GABRG3: variants seen among roughly 807,000 people sequenced by gnomAD.
The protein encoded by GABRG3 is gamma-aminobutyric acid receptor subunit gamma-3.
In GABRG3, 25 loss-of-function variants were observed where a neutral mutation model predicts 48.8. The observed-to-expected ratio is 0.51, with a 90% confidence interval of 0.37 to 0.72. The LOEUF (loss-of-function observed/expected upper bound fraction) is 0.72. Ranked by LOEUF, GABRG3 falls within the 30% of genes least tolerant of loss-of-function variation. The pLI is 0.00. For synonymous variants in GABRG3, 227 were observed against 217.6 expected (o/e 1.04, Z -0.38); for missense variants, 394 against 577.9 (o/e 0.68, Z 3.26).
chr15:27,181,324 G>A (rs1887924856), intron 3 of GABRG3, among the ~76,000 whole-genome samples: 1 of 152,170 alleles, frequency 6.6e-6, no homozygotes, highest in Non-Finnish European at 1.5e-5. Flanking sequence ...ACAAGAGTTA[G>A]TTCTCTTACC....
chr15:27,067,960 T>C (rs1206376162), intron 3 of GABRG3, among the ~76,000 whole-genome samples: 1 of 152,124 alleles, frequency 6.6e-6, no homozygotes, highest in East Asian at 1.9e-4. Context: ...TAATAGGCAT[T>C]GGAGTAGAGA....
At chr15:27,499,911 C>T (rs1377662702) in intron 6 of GABRG3, among the ~76,000 whole-genome samples, 2 of 152,160 alleles carry the variant, frequency 1.3e-5, no homozygotes, top group African/African-American at 4.8e-5. Context: ...AAGGCTGCCT[C>T]GGACCTGGTG....
intron 3 of GABRG3, among the ~76,000 whole-genome samples, chr15:27,290,470 A>G (rs1595643059): frequency 6.6e-6 from 1 of 152,146 alleles, no homozygotes; most frequent in Middle Eastern, 3.2e-3. Context: ...TATCCAGATG[A>G]TCAAGGGTGA....
intron 5 of GABRG3, among the ~76,000 whole-genome samples, chr15:27,477,730 G>A (rs1402361761): frequency 2.0e-5 from 3 of 152,000 alleles, no homozygotes; most frequent in Non-Finnish European, 4.4e-5. Flanking sequence ...AAGTACACTC[G>A]AAAATAAATT....
At chr15:26,977,322 T>C (rs2060930258) in intron 2 of GABRG3, among the ~76,000 whole-genome samples, 172 bp downstream of exon 2, 1 of 152,220 alleles carries the variant, frequency 6.6e-6, no homozygotes, top group Non-Finnish European at 1.5e-5. Context: ...AGACTGACAC[T>C]GGTGCCATGC....
At chr15:27,462,189 G>A (rs959812909) in intron 5 of GABRG3, among the ~76,000 whole-genome samples, 2 of 151,962 alleles carry the variant, frequency 1.3e-5, no homozygotes, top group African/African-American at 2.4e-5. Flanking sequence ...CCTCTGAGCC[G>A]GCTCCTCACT....
rs75212411 is a variant in GABRG3, at chr15:27,287,066, A to G, written c.271-39743A>G. ...GTTGATGGTTTTGTCCAGTTATTCC[A>G]TACCTTCATTTTTCTACTTAGTAGT... On this transcript the variant is annotated intron_variant, in intron 3 of 9. Transcript: ENST00000615808. Among the ~76,000 whole-genome samples the G allele has an allele frequency of 6.2e-3, 947 of 152,314 alleles. 26 individuals carry two copies. In the East Asian group the frequency reaches 0.088, roughly 14 times the overall value.
In GABRG3 at chr15:27,372,584, G is replaced by A. The variant is rs180903785; in HGVS notation, c.574+43696G>A. Among the ~76,000 whole-genome samples the A allele has an allele frequency of 9.9e-5, 15 of 152,092 alleles. No homozygotes were observed. In the East Asian group the frequency reaches 1.7e-3, roughly 18 times the overall value. On this transcript the variant is annotated intron_variant, in intron 5 of 9. Transcript: ENST00000615808. ...ATTTTTTATTTTTTATAGAGATGGG[G>A]CCTCGTTTTGCTGCCCAAGCTGTTC... is the stretch of plus-strand genomic sequence containing the variant.
intron 6 of GABRG3, 151 bp downstream of exon 6, chr15:27,480,938 T>G: frequency 2.1e-6 from 3 of 1,418,676 alleles, no homozygotes; most frequent in Non-Finnish European, 2.8e-6. Context: ...GAAACTATGT[T>G]TTCATGTTTT....
intron 3 of GABRG3, among the ~76,000 whole-genome samples, chr15:27,247,542 A>T (rs1047481935): frequency 6.6e-6 from 1 of 151,896 alleles, no homozygotes; most frequent in Non-Finnish European, 1.5e-5. Context: ...TTCTACCCCA[A>T]CTCTACCAGG....
chr15:27,300,678 C>CAAAAAAAAAAAAAAAAAAAAAA (rs10600874), intron 3 of GABRG3, among the ~76,000 whole-genome samples: 1 of 101,280 alleles, frequency 9.9e-6, no homozygotes, highest in Non-Finnish European at 2.0e-5. Context: ...AATAAATAAG[C>CAAAAAAAAAAAAAAAAAAAAAA]AAAAAAAAAA....
At chr15:27,429,250 G>A (rs1566836992) in intron 5 of GABRG3, among the ~76,000 whole-genome samples, 1 of 152,160 alleles carries the variant, frequency 6.6e-6, no homozygotes, top group Non-Finnish European at 1.5e-5. Flanking sequence ...GGAAGGAAAG[G>A]AGATGCCCTT....
intron 3 of GABRG3, among the ~76,000 whole-genome samples, chr15:27,268,110 T>G (rs901576185): frequency 6.6e-6 from 1 of 152,188 alleles, no homozygotes; most frequent in East Asian, 1.9e-4. Context: ...GTGTAGACAG[T>G]AGGTTTTATT....
intron 6 of GABRG3, among the ~76,000 whole-genome samples, chr15:27,483,935 T>A (rs890500863): frequency 7.9e-5 from 12 of 152,028 alleles, no homozygotes; most frequent in African/African-American, 2.9e-4. Flanking sequence ...AATCACATAC[T>A]TTTTTTTCTT....
intron 2 of GABRG3, among the ~76,000 whole-genome samples, chr15:27,007,667 G>A (rs1196632476): frequency 1.3e-5 from 2 of 152,140 alleles, no homozygotes; most frequent in African/African-American, 2.4e-5. Context: ...CTAATGACCA[G>A]TGATGTTGAG....
intron 3 of GABRG3, among the ~76,000 whole-genome samples, chr15:27,215,897 A>G (rs1374542015): frequency 6.6e-6 from 1 of 152,178 alleles, no homozygotes; most frequent in African/African-American, 2.4e-5. Flanking sequence ...GTTGTTACCT[A>G]TAATTAGGTG....
intron 6 of GABRG3, among the ~76,000 whole-genome samples, chr15:27,483,976 C>G (rs1391579590): frequency 6.6e-6 from 1 of 152,100 alleles, no homozygotes; most frequent in Non-Finnish European, 1.5e-5. Flanking sequence ...CTCTTGCTAC[C>G]CACGCTGGAG....
intron 3 of GABRG3, among the ~76,000 whole-genome samples, chr15:27,224,166 G>C (rs1008478726): frequency 2.0e-5 from 3 of 152,220 alleles, no homozygotes; most frequent in Non-Finnish European, 4.4e-5. Context: ...GGGCCTTGCT[G>C]AGGCCAGGGG....
chr15:27,032,866 A>G (rs1454091402), intron 3 of GABRG3, among the ~76,000 whole-genome samples: 3 of 152,028 alleles, frequency 2.0e-5, no homozygotes, highest in Non-Finnish European at 4.4e-5. Context: ...CTGAGCTGGC[A>G]TGGGGCTGAC....
Sources: gnomAD v4.1 joint callset for allele counts (sites outside exome capture counted in the v4.1 genomes callset) on GRCh38, gnomAD v4.1.1 for gene constraint, MANE v1.5 for transcripts, NCBI Gene and HGNC (gene_info 2026-07-23, HGNC 2026-07-21) for gene names.